The following ARIH1 variants were observed in gnomAD, a reference collection of about 807,000 sequenced individuals.
ARIH1 encodes E3 ubiquitin-protein ligase ARIH1.
ARIH1 carries 8 observed loss-of-function variants against 85.0 expected under a neutral mutation model. That is an observed-to-expected ratio of 0.09 (90% CI 0.06 to 0.17). The LOEUF (loss-of-function observed/expected upper bound fraction) is 0.17, where lower values mean the gene tolerates loss of function less well. Among genes scored for constraint, ARIH1 ranks in the 10% least tolerant of loss-of-function variants. ARIH1 has a pLI of 1.00. For synonymous variants in ARIH1, 238 were observed against 253.6 expected, an observed-to-expected ratio of 0.94 and a Z score of 0.59; for missense variants, 311 against 718.1, an observed-to-expected ratio of 0.43 and a Z score of 6.48.
At chr15:72,479,333 G>A (rs1037128355) in intron 1 of ARIH1, among the ~76,000 whole-genome samples, 5 of 152,096 alleles carry the variant, frequency 3.3e-5, no homozygotes, top group African/African-American at 1.2e-4. Flanking sequence ...TGGGACTATT[G>A]AATGTGAGTG....
chr15:72,497,614 T>G (rs557095460), intron 1 of ARIH1, among the ~76,000 whole-genome samples: 2 of 152,292 alleles, frequency 1.3e-5, no homozygotes, highest in East Asian at 3.9e-4. Flanking sequence ...GTTTTATGTG[T>G]CATTCTAGTA....
rs569783554 is a variant in ARIH1, at chr15:72,533,133, GT to G, written c.444-11683del. Among the ~76,000 whole-genome samples, 58 of 152,154 alleles carry G rather than the reference GT, an allele frequency of 3.8e-4. No homozygotes were observed. In the South Asian group the frequency reaches 5.0e-3, roughly 13 times the overall value. ...AAGAGAAATGCCTGTGTTTTTGGGGGTTTTCTTTTTTTTGAGATGGGGTCTT... is the reference window on the plus strand; with the variant it reads ...AAGAGAAATGCCTGTGTTTTTGGGGGTTTCTTTTTTTTGAGATGGGGTCTT... On this transcript the variant is annotated intron_variant, in intron 2 of 13. Coordinates refer to ENST00000379887, the MANE Select transcript of ARIH1 (RefSeq NM_005744.5).
At chr15:72,502,501 AAAT>A (rs2063907963) in intron 1 of ARIH1, among the ~76,000 whole-genome samples, 1 of 152,118 alleles carries the variant, frequency 6.6e-6, no homozygotes, top group African/African-American at 2.4e-5. Context: ...ATTTTGCTTT[AAAT>A]AATCTCCAAG....
In ARIH1 at chr15:72,566,625, C is replaced by A; in HGVS notation, c.954+20C>A. 6.2e-7 allele frequency: 1 copy of A among 1,601,618 alleles called. No homozygotes were observed. Among genetic ancestry groups the A allele is most frequent in the East Asian group, 2.2e-5 (1 of 44,696 alleles). ...TGTAAGGTGAGTTTGTCTGACATTT[C>A]AATTTTTAAATAATGGCACACTTCT... On this transcript the variant is annotated intron_variant, in intron 8 of 13. Coordinates refer to ENST00000379887, the MANE Select transcript of ARIH1 (RefSeq NM_005744.5).
At chr15:72,484,783 A>G (rs945648870) in intron 1 of ARIH1, among the ~76,000 whole-genome samples, 1 of 67,756 alleles carries the variant, frequency 1.5e-5, no homozygotes, top group Non-Finnish European at 5.6e-5. Flanking sequence ...ATATATACAT[A>G]TATATACACA....
intron 1 of ARIH1, among the ~76,000 whole-genome samples, chr15:72,501,797 G>A (rs1418432913): frequency 6.6e-6 from 1 of 152,138 alleles, no homozygotes; most frequent in African/African-American, 2.4e-5. Flanking sequence ...CTATATTTAT[G>A]GTTTACATTA....
At chr15:72,518,026 G>A (rs778043975) in intron 1 of ARIH1, 41 bp from the exon 2 acceptor site, 5 of 1,464,562 alleles carry the variant, frequency 3.4e-6, no homozygotes, top group Non-Finnish European at 4.8e-6. Flanking sequence ...TCCATGAAGT[G>A]CTATTACCTT....
chr15:72,571,499 C>T (rs1344978943), intron 10 of ARIH1, among the ~76,000 whole-genome samples: 1 of 152,226 alleles, frequency 6.6e-6, no homozygotes, highest in Non-Finnish European at 1.5e-5. Context: ...CATCTATGCT[C>T]TGAGCTGACC....
At position 72,585,338 on chromosome 15, in the gene ARIH1, C is replaced by T. The variant is rs568275612; in HGVS notation, c.*2046C>T. ...TTCTCGTCTCTCTCCCCTCTTCCCCCATTATCCATATGACATTATTTTACT... is the reference window on the plus strand; with the variant it reads ...TTCTCGTCTCTCTCCCCTCTTCCCCTATTATCCATATGACATTATTTTACT... On this transcript the variant is annotated 3_prime_UTR_variant, in exon 14 of 14. Transcript: ENST00000379887. 1.3e-5 allele frequency: 2 copies of T among 152,224 alleles called. No homozygotes were observed. The highest frequency in any genetic ancestry group is 2.4e-5 in the African/African-American group (1 of 41,516). The allele number at this position is 152,224 out of a possible 1,614,324, so 9.4% of individuals were successfully genotyped here.
chr15:72,593,428 AAT>A lies in ARIH1; in HGVS notation c.*10141_*10142del, dbSNP rs1434696028. 1 of 152,196 alleles carries A rather than the reference AAT, an allele frequency of 6.6e-6. No homozygotes were observed. The highest frequency in any genetic ancestry group is 1.9e-4 in the East Asian group (1 of 5,196). 9.4% of individuals were successfully genotyped at this position (152,196 alleles called of 1,614,324 possible). A position where few individuals can be genotyped will look rare whatever the true frequency, so the allele number is the denominator to read the frequency against. ...GTTTTATGACCTCAAAGTCACAAAG[AAT>A]ATATTTTCTTCTAGAAGTTTTATGG... is the stretch of plus-strand genomic sequence containing the variant. On this transcript the variant is annotated 3_prime_UTR_variant, in exon 14 of 14. Transcript: ENST00000379887.
chr15:72,595,632 C>T lies in ARIH1; in HGVS notation c.*12340C>T, dbSNP rs992726672. The T allele has an allele frequency of 2.6e-5, 4 of 152,054 alleles. No individual in the cohort carries two copies. Among genetic ancestry groups the T allele is most frequent in the African/African-American group, 9.7e-5 (4 of 41,390 alleles). The allele number at this position is 152,054 out of a possible 1,614,324, so 9.4% of individuals were successfully genotyped here. A position where few individuals can be genotyped will look rare whatever the true frequency, so the allele number is the denominator to read the frequency against. ...TAGCTGGGACCACAGGTGTGCGCTA[C>T]CACAGCTGGCTAATTTTTCTTTTTC... On this transcript the variant is annotated 3_prime_UTR_variant, in exon 14 of 14. Coordinates refer to ENST00000379887, the MANE Select transcript of ARIH1 (RefSeq NM_005744.5).
At chr15:72,562,694 A>G (rs986271704) in intron 6 of ARIH1, among the ~76,000 whole-genome samples, 5 of 151,924 alleles carry the variant, frequency 3.3e-5, no homozygotes, top group Non-Finnish European at 7.4e-5. Context: ...TGTAGCTTCT[A>G]AACACCTTCC....
At chr15:72,482,605 A>G (rs2063820618) in intron 1 of ARIH1, among the ~76,000 whole-genome samples, 1 of 152,220 alleles carries the variant, frequency 6.6e-6, no homozygotes, top group Admixed American at 6.5e-5. Context: ...GATGAAAGGT[A>G]AGCAGAAGTC....
rs982637815 is a variant in ARIH1 at position 72,599,971 on chromosome 15, G to A, written c.*16679G>A. 6.6e-6 allele frequency: 1 copy of A among 151,974 alleles called. No individual in the cohort carries two copies. The highest frequency in any genetic ancestry group is 1.5e-5 in the Non-Finnish European group (1 of 67,990). The allele number at this position is 151,974 out of a possible 1,614,324, so 9.4% of individuals were successfully genotyped here. On this transcript the variant is annotated 3_prime_UTR_variant, in exon 14 of 14. Transcript: ENST00000379887. ...TTTGAAGTGATATTTCCCAGTGTTG[G>A]CTGGACTCTCAAGCGTTTGTGGTAT...
At chr15:72,573,129 A>C (rs970615301) in intron 11 of ARIH1, among the ~76,000 whole-genome samples, 1 of 152,198 alleles carries the variant, frequency 6.6e-6, no homozygotes, top group Admixed American at 6.5e-5. Context: ...TATGGTTTGC[A>C]TCTGTTTCTT....
chr15:72,499,683 A>G (rs183109712), intron 1 of ARIH1, among the ~76,000 whole-genome samples: 1 of 152,312 alleles, frequency 6.6e-6, no homozygotes, highest in East Asian at 1.9e-4. Context: ...CTTCCTAAGA[A>G]CAGTACTCTG....
intron 2 of ARIH1, among the ~76,000 whole-genome samples, chr15:72,521,003 C>T (rs1254120647): frequency 1.3e-5 from 2 of 151,908 alleles, no homozygotes; most frequent in Non-Finnish European, 2.9e-5. Flanking sequence ...ATCACCATAC[C>T]TAGTTAGTTT....
intron 1 of ARIH1, among the ~76,000 whole-genome samples, chr15:72,483,655 G>A (rs1280669996): frequency 6.6e-6 from 1 of 152,054 alleles, no homozygotes; most frequent in Non-Finnish European, 1.5e-5. Context: ...TTTTATTTTG[G>A]ATTAACCGTA....
At chr15:72,510,765 A>AAG (rs2063947229) in intron 1 of ARIH1, among the ~76,000 whole-genome samples, 1 of 144,718 alleles carries the variant, frequency 6.9e-6, no homozygotes, top group East Asian at 2.0e-4. Context: ...AAAAAAAAAA[A>AAG]AAAAAGACTT....
Sources: allele counts gnomAD v4.1 joint callset (sites outside exome capture counted in the v4.1 genomes callset), GRCh38; gene constraint gnomAD v4.1.1; transcripts MANE v1.5; gene names NCBI Gene and HGNC (gene_info 2026-07-23, HGNC 2026-07-21).